The following AUTS2 variants were observed in gnomAD, a reference collection of about 807,000 sequenced individuals.
The protein encoded by AUTS2 is autism susceptibility gene 2 protein.
A neutral mutation model predicts 112.4 loss-of-function variants in AUTS2; 17 were observed. The ratio of observed to expected loss-of-function variants is 0.15; its 90% CI spans 0.10 to 0.23. The LOEUF (loss-of-function observed/expected upper bound fraction) is 0.23, where lower values mean the gene tolerates loss of function less well. Among genes scored for constraint, AUTS2 ranks in the 10% least tolerant of loss-of-function variants. AUTS2 has a pLI of 1.00. For synonymous variants in AUTS2, 751 were observed against 702.7 expected (o/e 1.07, Z -1.09); for missense variants, 1,510 against 1,701.6 (o/e 0.89, Z 1.98).
At chr7:70,126,816 C>T (rs558081142) in intron 3 of AUTS2, among the ~76,000 whole-genome samples, 1 of 152,212 alleles carries the variant, frequency 6.6e-6, no homozygotes, top group East Asian at 1.9e-4. Flanking sequence ...AGAATGTGAC[C>T]TTTCTTCCCC....
At chr7:70,395,155 G>T (rs754588021) in intron 4 of AUTS2, among the ~76,000 whole-genome samples, 1 of 151,814 alleles carries the variant, frequency 6.6e-6, no homozygotes, top group Non-Finnish European at 1.5e-5. Flanking sequence ...GTGGGGGACA[G>T]TTCTGTTATA....
intron 15 of AUTS2, chr7:70,783,099 A>G (rs535414909): frequency 6.0e-4 from 91 of 152,274 alleles, no homozygotes; most frequent in African/African-American, 1.9e-3. Flanking sequence ...ATAATTCTGG[A>G]ACTGCAAGGC....
intron 2 of AUTS2, among the ~76,000 whole-genome samples, chr7:69,909,134 C>A (rs372069103): frequency 6.6e-6 from 1 of 152,088 alleles, no homozygotes; most frequent in Non-Finnish European, 1.5e-5. Flanking sequence ...ACATATCTTG[C>A]GGAAATTAAT....
intron 6 of AUTS2, among the ~76,000 whole-genome samples, chr7:70,739,003 CTTT>C (rs57525224): frequency 5.1e-4 from 29 of 57,278 alleles, no homozygotes; most frequent in African/African-American, 1.8e-3. Flanking sequence ...GTTTTGAGGC[CTTT>C]TTTTTTTTTT....
intron 5 of AUTS2, among the ~76,000 whole-genome samples, chr7:70,644,835 C>G (rs1806062707): frequency 6.6e-6 from 1 of 152,158 alleles, no homozygotes; most frequent in East Asian, 1.9e-4. Flanking sequence ...TCACCTGGCC[C>G]AACTCTGTAG....
intron 5 of AUTS2, among the ~76,000 whole-genome samples, chr7:70,661,786 C>T (rs574963038): frequency 5.1e-4 from 77 of 152,114 alleles, no homozygotes; most frequent in Non-Finnish European, 8.4e-4. Context: ...CTGTGTTGCA[C>T]GAGCAGGGCC....
chr7:69,626,223 G>C (rs1361377653), intron 1 of AUTS2, among the ~76,000 whole-genome samples: 1 of 152,076 alleles, frequency 6.6e-6, no homozygotes, highest in African/African-American at 2.4e-5. Flanking sequence ...ACTGACTGTG[G>C]GTAATTAGTT....
intron 2 of AUTS2, among the ~76,000 whole-genome samples, chr7:69,992,379 A>G (rs1278415380): frequency 6.6e-6 from 1 of 152,198 alleles, no homozygotes; most frequent in Non-Finnish European, 1.5e-5. Flanking sequence ...GGCAAGAGTA[A>G]GAATAAAAAG....
At chr7:70,504,261 AG>A (rs1798879480) in intron 5 of AUTS2, among the ~76,000 whole-genome samples, 2 of 151,994 alleles carry the variant, frequency 1.3e-5, no homozygotes, top group Admixed American at 1.3e-4. Context: ...AAATGGAGCC[AG>A]GTTTAGAGAG....
rs984847305 is a variant in AUTS2 at position 70,578,213 on chromosome 7, C to A, written c.691-120356C>A. 2.0e-5 allele frequency among the ~76,000 whole-genome samples: 3 copies of A among 152,188 alleles called. No homozygotes were observed. The East Asian group carries it at 5.8e-4, about 29-fold the overall frequency. On this transcript the variant is annotated intron_variant, in intron 5 of 18. Coordinates refer to ENST00000342771, the MANE Select transcript of AUTS2 (RefSeq NM_015570.4). ...CAGAAGATATCCTAGAAAGTTAGAG[C>A]TAAAAGGGACCTTAAAGATCATCTA...
intron 1 of AUTS2, among the ~76,000 whole-genome samples, chr7:69,651,207 A>G (rs1205152260): frequency 6.6e-6 from 1 of 152,124 alleles, no homozygotes; most frequent in East Asian, 1.9e-4. Context: ...AACTTATGAC[A>G]TCTCTGGCAA....
chr7:70,550,484 G>A (rs1800974394), intron 5 of AUTS2, among the ~76,000 whole-genome samples: 1 of 152,162 alleles, frequency 6.6e-6, no homozygotes, highest in African/African-American at 2.4e-5. Flanking sequence ...CCTCAAAGAA[G>A]TTAAGCCCCA....
intron 4 of AUTS2, among the ~76,000 whole-genome samples, chr7:70,239,441 T>G (rs1164471930): frequency 6.6e-6 from 1 of 152,018 alleles, no homozygotes; most frequent in African/African-American, 2.4e-5. Flanking sequence ...TAATTTTTTT[T>G]GTTTTGTTTT....
rs1792277810 is a variant in AUTS2 at position 69,847,812 on chromosome 7, C to G, written c.310-51474C>G. 2.0e-5 allele frequency among the ~76,000 whole-genome samples: 3 copies of G among 152,200 alleles called. No individual in the cohort carries two copies. The South Asian group carries it at 6.2e-4, about 31-fold the overall frequency. ...GGGAAGCTGGAGGGCTCTAAACTTG[C>G]AGAGGCCTGACCTGGCACTTCATCT... On this transcript the variant is annotated intron_variant, in intron 1 of 18. Transcript: ENST00000342771.
At chr7:70,411,612 A>AT (rs1794779081) in intron 4 of AUTS2, among the ~76,000 whole-genome samples, 1 of 152,246 alleles carries the variant, frequency 6.6e-6, no homozygotes, top group South Asian at 2.1e-4. Context: ...TTAACATAAC[A>AT]TACAGTCAAC....
intron 1 of AUTS2, among the ~76,000 whole-genome samples, chr7:69,849,187 A>C (rs967441896): frequency 6.6e-6 from 1 of 152,226 alleles, no homozygotes; most frequent in Non-Finnish European, 1.5e-5. Context: ...CCAAAACAAA[A>C]CAACAAGACG....
At position 70,790,584 on chromosome 7, in the gene AUTS2, A is replaced by ACTACAG. The variant is rs1253857507; in HGVS notation, c.3370_3375dup (p.Tyr1124_Ser1125dup). On this transcript the variant is annotated inframe_insertion, in exon 19 of 19. Coordinates refer to ENST00000342771, the MANE Select transcript of AUTS2 (RefSeq NM_015570.4). The surrounding 1 kb of genome is among the most constrained non-coding windows in gnomAD (Gnocchi z 7.6). Reference sequence around the variant, plus strand: ...TCCTTCAGGGACCGGGAGCCTCACGACTACAGCCACCACCACCACCACCAC... The same window carrying ACTACAG: ...TCCTTCAGGGACCGGGAGCCTCACGACTACAGCTACAGCCACCACCACCACCACCAC... 2 of 1,602,434 alleles carry ACTACAG rather than the reference A, an allele frequency of 1.2e-6. No individual in the cohort carries two copies. Among genetic ancestry groups the ACTACAG allele is most frequent in the African/African-American group, 1.3e-5 (1 of 74,752 alleles).
At chr7:70,782,675 G>A (rs1217852673) in intron 15 of AUTS2, 1 of 152,192 alleles carries the variant, frequency 6.6e-6, no homozygotes, top group Non-Finnish European at 1.5e-5. Flanking sequence ...ACTATGCTAA[G>A]TAGAATTTAT....
intron 4 of AUTS2, among the ~76,000 whole-genome samples, chr7:70,367,577 A>AAATAAT (rs35678927): frequency 3.3e-5 from 5 of 150,256 alleles, no homozygotes; most frequent in Non-Finnish European, 7.4e-5. Context: ...AAATTGTAAA[A>AAATAAT]AATAATAATA....
Sources: gnomAD v4.1 joint callset for allele counts (sites outside exome capture counted in the v4.1 genomes callset) on GRCh38, gnomAD v4.1.1 for gene constraint, Gnocchi (gnomAD v3.1) non-coding constraint, MANE v1.5 for transcripts, NCBI Gene and HGNC (gene_info 2026-07-23, HGNC 2026-07-21) for gene names.